The following RNF169 variants were observed in gnomAD, a reference collection of about 807,000 sequenced individuals.
The protein encoded by RNF169 is E3 ubiquitin-protein ligase RNF169.
Under a neutral mutation model 53.9 loss-of-function variants are expected in RNF169, and 24 were observed. The observed-to-expected ratio is 0.45, with a 90% confidence interval of 0.32 to 0.63. RNF169 has a LOEUF of 0.63. RNF169 is among the 20% of genes least tolerant of loss of function. RNF169 has a pLI of 0.04. For synonymous variants in RNF169, 396 were observed against 363.5 expected (o/e 1.09, Z -1.02); for missense variants, 883 against 906.2 (o/e 0.97, Z 0.33).
Position 74,840,816 on chromosome 11 carries a change from G to A in RNF169, c.*4086G>A, listed in dbSNP as rs1243468122. 3.6e-5 allele frequency: 4 copies of A among 111,446 alleles called. No homozygotes were observed. Among genetic ancestry groups the A allele is most frequent in the East Asian group, 2.9e-4 (1 of 3,482 alleles). 6.9% of individuals were successfully genotyped at this position (111,446 alleles called of 1,614,324 possible). A position where few individuals can be genotyped will look rare whatever the true frequency, so the allele number is the denominator to read the frequency against. On this transcript the variant is annotated 3_prime_UTR_variant, in exon 6 of 6. Coordinates refer to ENST00000299563, the MANE Select transcript of RNF169 (RefSeq NM_001098638.2). ...TTTTTTTTTTTTTTTTTAACCAAAC[G>A]AACTTGTGATCCAGTGCCCTATTTT...
In RNF169 at chr11:74,821,454, C is replaced by G. The variant is rs1368207938; in HGVS notation, c.842+3740C>G. Among the ~76,000 whole-genome samples the G allele has an allele frequency of 4.2e-5, 3 of 72,166 alleles. 1 individual carries two copies. Among genetic ancestry groups the G allele is most frequent in the African/African-American group, 4.0e-4 (3 of 7,518 alleles). The allele number at this position is 72,166 out of a possible 152,430, so 47.3% of individuals were successfully genotyped here. A position where few individuals can be genotyped will look rare whatever the true frequency, so the allele number is the denominator to read the frequency against. On this transcript the variant is annotated intron_variant, in intron 4 of 5. Coordinates refer to ENST00000299563, the MANE Select transcript of RNF169 (RefSeq NM_001098638.2). ...CGGGCGGATCACGAGGTCAGGAGAT[C>G]GAGACCATCCCGGCTAAAATGGTGA...
intron 2 of RNF169, among the ~76,000 whole-genome samples, chr11:74,800,728 T>TA (rs2035717015): frequency 6.6e-6 from 1 of 152,242 alleles, no homozygotes; most frequent in South Asian, 2.1e-4. Flanking sequence ...GCTGGCAAGT[T>TA]ACTGATATGA....
At chr11:74,783,605 TA>T (rs2135069599) in intron 1 of RNF169, among the ~76,000 whole-genome samples, 1 of 152,308 alleles carries the variant, frequency 6.6e-6, no homozygotes, top group African/African-American at 2.4e-5. Flanking sequence ...AAAATCCCTG[TA>T]AAAGCTGGTA....
intron 5 of RNF169, among the ~76,000 whole-genome samples, chr11:74,835,342 T>C (rs2036237079): frequency 6.6e-6 from 1 of 152,170 alleles, no homozygotes; most frequent in Non-Finnish European, 1.5e-5. Context: ...TTTTCAGTTT[T>C]ATGAATTGTT....
intron 4 of RNF169, chr11:74,832,634 T>A (rs1295174072): frequency 1.3e-5 from 2 of 152,218 alleles, no homozygotes; most frequent in Non-Finnish European, 2.9e-5. Flanking sequence ...TGAACTGCTC[T>A]ATTGAAAGTT....
chr11:74,782,608 A>G (rs1041496097), intron 1 of RNF169, among the ~76,000 whole-genome samples: 3 of 152,222 alleles, frequency 2.0e-5, no homozygotes, highest in Admixed American at 2.0e-4. Flanking sequence ...GCTGGGGACC[A>G]CTGATATGGA....
chr11:74,808,466 C>G (rs2035833825), intron 2 of RNF169, among the ~76,000 whole-genome samples: 1 of 152,160 alleles, frequency 6.6e-6, no homozygotes, highest in Non-Finnish European at 1.5e-5. Context: ...TCCAGACTTG[C>G]CGAATGTTCT....
chr11:74,801,239 G>A (rs913185328), intron 2 of RNF169, among the ~76,000 whole-genome samples: 3 of 152,170 alleles, frequency 2.0e-5, no homozygotes, highest in East Asian at 1.9e-4. Flanking sequence ...TTTTATGCAC[G>A]TTAGCCTTGT....
intron 4 of RNF169, among the ~76,000 whole-genome samples, 166 bp from the exon 5 acceptor site, chr11:74,834,510 A>G (rs556481962): frequency 1.3e-5 from 2 of 152,180 alleles, no homozygotes; most frequent in African/African-American, 4.8e-5. Flanking sequence ...CAGAATTTCT[A>G]TTCAGAATGT....
chr11:74,803,532 T>C (rs2035763402), intron 2 of RNF169, among the ~76,000 whole-genome samples: 1 of 152,246 alleles, frequency 6.6e-6, no homozygotes, highest in Non-Finnish European at 1.5e-5. Flanking sequence ...AGTTAACATC[T>C]TAAGTACTAA....
In RNF169 at chr11:74,817,587, C is replaced by T; in HGVS notation, c.724-9C>T. ...ATGGACAGTGTTGTCTCCCTTGTCT[C>T]CCTGCCAGTGTCCTGCACGTCTCTC... is the stretch of plus-strand genomic sequence containing the variant. On this transcript the variant is annotated splice_polypyrimidine_tract_variant and intron_variant, in intron 3 of 5. Coordinates refer to ENST00000299563, the MANE Select transcript of RNF169 (RefSeq NM_001098638.2). The T allele has an allele frequency of 6.3e-7, 1 of 1,577,264 alleles. No individual in the cohort carries two copies. The highest frequency in any genetic ancestry group is 8.7e-7 in the Non-Finnish European group (1 of 1,146,378).
chr11:74,833,061 C>T (rs953995931), intron 4 of RNF169, among the ~76,000 whole-genome samples: 1 of 152,144 alleles, frequency 6.6e-6, no homozygotes, highest in Non-Finnish European at 1.5e-5. Context: ...AAAGTGCAAG[C>T]ACGTGATACA....
chr11:74,786,830 G>A lies in RNF169; in HGVS notation c.503-2796G>A, dbSNP rs11236250. Reference sequence around the variant, plus strand: ...CAAGGCTCTCAACCTTCTAAGTTGGGGATCAGGCTTACTGTGTAAAAAATG... The same window carrying A: ...CAAGGCTCTCAACCTTCTAAGTTGGAGATCAGGCTTACTGTGTAAAAAATG... On this transcript the variant is annotated intron_variant, in intron 1 of 5. Transcript: ENST00000299563. Among the ~76,000 whole-genome samples the A allele has an allele frequency of 4.7e-3, 713 of 152,242 alleles. 6 individuals carry two copies. The highest frequency in any genetic ancestry group is 0.016 in the African/African-American group (662 of 41,528).
chr11:74,820,025 G>C (rs1228725057), intron 4 of RNF169, among the ~76,000 whole-genome samples: 1 of 152,176 alleles, frequency 6.6e-6, no homozygotes, highest in African/African-American at 2.4e-5. Flanking sequence ...CTTACTGACA[G>C]AGTCAGAGAT....
At chr11:74,811,453 TTGAACTCC>T (rs997427689) in intron 3 of RNF169, among the ~76,000 whole-genome samples, 1 of 152,164 alleles carries the variant, frequency 6.6e-6, no homozygotes, top group African/African-American at 2.4e-5. Flanking sequence ...CACACTGGTC[TTGAACTCC>T]TGGGTTCAAG....
intron 1 of RNF169, among the ~76,000 whole-genome samples, chr11:74,754,733 T>A (rs1020989925): frequency 5.3e-5 from 8 of 152,136 alleles, no homozygotes; most frequent in Non-Finnish European, 1.0e-4. Flanking sequence ...GGCAGGAGAT[T>A]CGCTTCAACC....
At position 74,837,473 on chromosome 11, in the gene RNF169, C is replaced by T. The variant is rs922902383; in HGVS notation, c.*743C>T. ...TTCTAAAGGTTTCCCAAATAGATCA[C>T]AACCTAAGGGTGTGCCAGGGGAGCC... On this transcript the variant is annotated 3_prime_UTR_variant, in exon 6 of 6. Coordinates refer to ENST00000299563, the MANE Select transcript of RNF169 (RefSeq NM_001098638.2). The T allele has an allele frequency of 3.9e-5, 6 of 152,328 alleles. No homozygotes were observed. Among genetic ancestry groups the T allele is most frequent in the Middle Eastern group, 3.4e-3 (1 of 294 alleles). 9.4% of individuals were successfully genotyped at this position (152,328 alleles called of 1,614,324 possible). A position where few individuals can be genotyped will look rare whatever the true frequency, so the allele number is the denominator to read the frequency against.
chr11:74,827,733 A>G (rs958127844), intron 4 of RNF169, among the ~76,000 whole-genome samples: 3 of 152,204 alleles, frequency 2.0e-5, no homozygotes, highest in Non-Finnish European at 4.4e-5. Flanking sequence ...CAAAAACCAT[A>G]TGATTATCTC....
intron 1 of RNF169, among the ~76,000 whole-genome samples, chr11:74,773,476 G>C (rs1045654312): frequency 1.2e-4 from 18 of 152,144 alleles, no homozygotes; most frequent in South Asian, 8.3e-4. Flanking sequence ...AAATACGAAT[G>C]AAAGGAGGGA....
Sources: gnomAD v4.1 joint callset for allele counts (sites outside exome capture counted in the v4.1 genomes callset) on GRCh38, gnomAD v4.1.1 for gene constraint, MANE v1.5 for transcripts, NCBI Gene and HGNC (gene_info 2026-07-23, HGNC 2026-07-21) for gene names.